The following TEAD3 variants were observed in gnomAD, a reference collection of about 807,000 sequenced individuals.
TEAD3 encodes the protein TEA domain transcription factor 3, also known as transcriptional enhancer factor TEF-5.
In TEAD3, 15 loss-of-function variants were observed where a neutral mutation model predicts 55.6. That is an observed-to-expected ratio of 0.27 (90% CI 0.18 to 0.42). The LOEUF is 0.42. Among genes scored for constraint, TEAD3 ranks in the 10% least tolerant of loss-of-function variants. The pLI, the probability that TEAD3 is intolerant of heterozygous loss-of-function variation, is 1.00. For missense variants in TEAD3, 407 were observed against 576.8 expected (o/e 0.71, Z 3.01); for synonymous variants, 210 against 232.2 (o/e 0.90, Z 0.87).
Position 35,486,521 on chromosome 6 carries a change from C to G in TEAD3, c.142G>C (p.Ala48Pro). 6.2e-7 allele frequency: 1 copy of G among 1,613,648 alleles called. No individual in the cohort carries two copies. Among genetic ancestry groups the G allele is most frequent in the Non-Finnish European group, 8.5e-7 (1 of 1,179,796 alleles). The change falls in exon 2 of 13, where the codon GCC becomes CCC. Residue 48 changes from alanine (A) to proline (P), a missense_variant. Physicochemically the swap from Ala to Pro is conservative, Grantham distance 27. Coordinates refer to ENST00000639578, the Ensembl canonical transcript of TEAD3. The surrounding 1 kb of genome is among the most constrained non-coding windows in gnomAD (Gnocchi z 7.3). ...CGCCGGCCGCAGGGCGGGTAGATGG[C>G]CAGGGCCTCCTGGAAGCTCTGCTCG...
At position 35,484,747 on chromosome 6, in the gene TEAD3, C is replaced by T. The variant is rs1768338783; in HGVS notation, c.203-123G>A. 1.2e-6 allele frequency: 1 copy of T among 836,274 alleles called. No individual in the cohort carries two copies. Among genetic ancestry groups the T allele is most frequent in the Non-Finnish European group, 1.9e-6 (1 of 513,508 alleles). The allele number at this position is 836,274 out of a possible 1,614,324, so 51.8% of individuals were successfully genotyped here. A position where few individuals can be genotyped will look rare whatever the true frequency, so the allele number is the denominator to read the frequency against. On this transcript the variant is annotated intron_variant, in intron 2 of 12. Coordinates refer to ENST00000639578, the Ensembl canonical transcript of TEAD3. This position sits in a 1 kb window ranked among gnomAD's most constrained non-coding sequence, Gnocchi z 5.8. ...CAAAACACTGCTCTTCTGTTCCTCA[C>T]TCTCTTCACCCCAAGCTGCACATGC...
At chr6:35,474,929 G>A (rs987067317) in exon 13 of TEAD3, 14 of 860,134 alleles carry the variant, frequency 1.6e-5, no homozygotes, top group Non-Finnish European at 2.5e-5. Context: ...CCTGGGTCCT[G>A]GGCCTGAGGC....
rs1297590306 is a variant in TEAD3 at position 35,475,317 on chromosome 6, A to G, written c.1194+19T>C. 1 of 1,610,644 alleles carries G rather than the reference A, an allele frequency of 6.2e-7. No individual in the cohort carries two copies. Among genetic ancestry groups the G allele is most frequent in the Admixed American group, 1.7e-5 (1 of 59,878 alleles). ...GCCCTGGCCTGTGGGACTCCCCACGACCCCTGCTGCCCCCATACCTGCAGG... is the reference window on the plus strand; with the variant it reads ...GCCCTGGCCTGTGGGACTCCCCACGGCCCCTGCTGCCCCCATACCTGCAGG... On this transcript the variant is annotated intron_variant, in intron 12 of 12. Coordinates refer to ENST00000639578, the Ensembl canonical transcript of TEAD3. This position sits in a 1 kb window ranked among gnomAD's most constrained non-coding sequence, Gnocchi z 5.4.
chr6:35,481,166 TCTC>T (rs1179792929), intron 3 of TEAD3, among the ~76,000 whole-genome samples: 4 of 151,922 alleles, frequency 2.6e-5, no homozygotes, highest in Admixed American at 6.6e-5. Context: ...TCTCTAGCCA[TCTC>T]CTCCTCGCAG....
chr6:35,481,700 G>A (rs1768270890), intron 3 of TEAD3, among the ~76,000 whole-genome samples: 1 of 152,186 alleles, frequency 6.6e-6, no homozygotes, highest in Non-Finnish European at 1.5e-5. Flanking sequence ...GAAAGGTTAA[G>A]CTGTCACACG....
chr6:35,475,722 G>C lies in TEAD3; in HGVS notation c.901-16C>G, dbSNP rs926263772. 4 of 1,567,734 alleles carry C rather than the reference G, an allele frequency of 2.6e-6. No individual in the cohort carries two copies. The African/African-American group carries it at 5.4e-5, about 21-fold the overall frequency. On this transcript the variant is annotated splice_polypyrimidine_tract_variant and intron_variant, in intron 10 of 12. Transcript: ENST00000639578. The surrounding 1 kb of genome is among the most constrained non-coding windows in gnomAD (Gnocchi z 5.4). Reference sequence around the variant, plus strand: ...TGAGGTCGGCCTGGGCATGGGGGTGGGGGGTGTTAGGTGCTGGCAGAGACC... The same window carrying C: ...TGAGGTCGGCCTGGGCATGGGGGTGCGGGGTGTTAGGTGCTGGCAGAGACC...
At chr6:35,477,361 A>G in exon 8 of TEAD3, 1 of 1,602,362 alleles carries the variant, frequency 6.2e-7, no homozygotes, top group Non-Finnish European at 8.5e-7. Context: ...TGGCTGTGCA[A>G]AGGGCTTGAT....
At position 35,484,768 on chromosome 6, in the gene TEAD3, C is replaced by T. The variant is rs1026032968; in HGVS notation, c.203-144G>A. On this transcript the variant is annotated intron_variant, in intron 2 of 12. Coordinates refer to ENST00000639578, the Ensembl canonical transcript of TEAD3. The surrounding 1 kb of genome is among the most constrained non-coding windows in gnomAD (Gnocchi z 5.8). ...CTCACTCTCTTCACCCCAAGCTGCA[C>T]ATGCAGGGCATGCAAAGGTGGCTGG... is the stretch of plus-strand genomic sequence containing the variant. 1.1e-5 allele frequency: 8 copies of T among 732,016 alleles called. No individual in the cohort carries two copies. The highest frequency in any genetic ancestry group is 8.1e-5 in the East Asian group (3 of 36,862). 45.3% of individuals were successfully genotyped at this position (732,016 alleles called of 1,614,324 possible).
chr6:35,475,800 GCACTCTGCC>G lies in TEAD3; in HGVS notation c.901-103_901-95del. On this transcript the variant is annotated intron_variant, in intron 10 of 12. Coordinates refer to ENST00000639578, the Ensembl canonical transcript of TEAD3. The surrounding 1 kb of genome is among the most constrained non-coding windows in gnomAD (Gnocchi z 5.4). Reference sequence around the variant, plus strand: ...AGTCCTGCCCAAGGATCCATCTCTGGCACTCTGCCCACAAGCCATGAGGATGCAGCAGGG... The same window carrying G: ...AGTCCTGCCCAAGGATCCATCTCTGGCACAAGCCATGAGGATGCAGCAGGG... 6.6e-7 allele frequency: 1 copy of G among 1,506,788 alleles called. No individual in the cohort carries two copies. Among genetic ancestry groups the G allele is most frequent in the East Asian group, 2.3e-5 (1 of 43,864 alleles). The allele number at this position is 1,506,788 out of a possible 1,614,324, so 93.3% of individuals were successfully genotyped here.
Position 35,483,288 on chromosome 6 carries a change from C to T in TEAD3, c.267+1272G>A, listed in dbSNP as rs1768299232. On this transcript the variant is annotated intron_variant, in intron 3 of 12. Coordinates refer to ENST00000639578, the Ensembl canonical transcript of TEAD3. The surrounding 1 kb of genome is among the most constrained non-coding windows in gnomAD (Gnocchi z 4.5). ...TCCTTTGAGAAAGAGGTGGAACAGGCCAGACTTGACATATGCACCATGGGG... is the reference window on the plus strand; with the variant it reads ...TCCTTTGAGAAAGAGGTGGAACAGGTCAGACTTGACATATGCACCATGGGG... Among the ~76,000 whole-genome samples, 1 of 152,116 alleles carries T rather than the reference C, an allele frequency of 6.6e-6. No individual in the cohort carries two copies. The highest frequency in any genetic ancestry group is 1.5e-5 in the Non-Finnish European group (1 of 68,012).
chr6:35,474,993 TGTG>T (rs1161457117), exon 13 of TEAD3: 2 of 1,406,226 alleles, frequency 1.4e-6, no homozygotes, highest in Non-Finnish European at 1.9e-6. Flanking sequence ...GCCAGGCAGG[TGTG>T]GAGAGGAGAT....
In TEAD3 at chr6:35,479,285, G is replaced by T; in HGVS notation, c.342+20C>A. ...AAGACCCTTTCCCCCACTCCCACTG[G>T]GGAGGGCTGTGCTACTTACCAGGTT... On this transcript the variant is annotated intron_variant, in intron 5 of 12. Transcript: ENST00000639578. 6.2e-7 allele frequency: 1 copy of T among 1,613,732 alleles called. No individual in the cohort carries two copies. The highest frequency in any genetic ancestry group is 8.5e-7 in the Non-Finnish European group (1 of 1,179,654).
Position 35,484,494 on chromosome 6 carries a change from G to C in TEAD3, c.267+66C>G. Reference sequence around the variant, plus strand: ...GAGGAGGTGGGCAGGGTAGGGGCAAGGGGTTGACCGGGGCAGCTGAGACAG... The same window carrying C: ...GAGGAGGTGGGCAGGGTAGGGGCAACGGGTTGACCGGGGCAGCTGAGACAG... On this transcript the variant is annotated intron_variant, in intron 3 of 12. Transcript: ENST00000639578. The surrounding 1 kb of genome is among the most constrained non-coding windows in gnomAD (Gnocchi z 5.8). The C allele has an allele frequency of 1.3e-6, 2 of 1,503,288 alleles. No homozygotes were observed. Among genetic ancestry groups the C allele is most frequent in the Non-Finnish European group, 1.8e-6 (2 of 1,100,968 alleles). The allele number at this position is 1,503,288 out of a possible 1,614,324, so 93.1% of individuals were successfully genotyped here.
rs2150913242 is a variant in TEAD3 at position 35,483,081 on chromosome 6, G to A, written c.267+1479C>T. 6.6e-6 allele frequency among the ~76,000 whole-genome samples: 1 copy of A among 152,338 alleles called. No homozygotes were observed. Among genetic ancestry groups the A allele is most frequent in the African/African-American group, 2.4e-5 (1 of 41,590 alleles). On this transcript the variant is annotated intron_variant, in intron 3 of 12. Transcript: ENST00000639578. The surrounding 1 kb of genome is among the most constrained non-coding windows in gnomAD (Gnocchi z 4.5). ...TTGAACCCAAGGGCTCCAGGGGACA[G>A]GGCTCTGGCGCACGCCTCCATGTGG...
rs1482764484 is a variant in TEAD3 at position 35,486,315 on chromosome 6, C to G, written c.202+146G>C. ...CCCGGCTTGTTTATGAGGAGGAGCG[C>G]GGAGGAGGATCCAGACACACAGGCT... On this transcript the variant is annotated intron_variant, in intron 2 of 12. Transcript: ENST00000639578. This position sits in a 1 kb window ranked among gnomAD's most constrained non-coding sequence, Gnocchi z 7.3. The G allele has an allele frequency of 5.1e-6, 5 of 980,272 alleles. No homozygotes were observed. Among genetic ancestry groups the G allele is most frequent in the Non-Finnish European group, 5.9e-6 (4 of 678,408 alleles). 60.7% of individuals were successfully genotyped at this position (980,272 alleles called of 1,614,324 possible). A position where few individuals can be genotyped will look rare whatever the true frequency, so the allele number is the denominator to read the frequency against.
intron 3 of TEAD3, among the ~76,000 whole-genome samples, chr6:35,482,647 C>T (rs1311173675): frequency 1.3e-5 from 2 of 152,140 alleles, no homozygotes; most frequent in Non-Finnish European, 2.9e-5. Flanking sequence ...TGTGGTGGCT[C>T]GTGCCCGTAA....
At chr6:35,494,025 A>AT (rs565870555) in intron 1 of TEAD3, among the ~76,000 whole-genome samples, 3 of 152,298 alleles carry the variant, frequency 2.0e-5, no homozygotes, top group South Asian at 4.1e-4. Context: ...ATGGACGTGT[A>AT]TATCTGTCAC....
chr6:35,476,536 T>A lies in TEAD3; in HGVS notation c.593-101A>T, dbSNP rs957526993. 4 of 1,501,560 alleles carry A rather than the reference T, an allele frequency of 2.7e-6. No homozygotes were observed. In the African/African-American group the frequency reaches 5.7e-5, roughly 22 times the overall value. The allele number at this position is 1,501,560 out of a possible 1,614,324, so 93.0% of individuals were successfully genotyped here. ...AAGGTGCCCCTTTTGGGAAGGAACATGAGTTGGATTTTGACTCCCCTACTA... is the reference window on the plus strand; with the variant it reads ...AAGGTGCCCCTTTTGGGAAGGAACAAGAGTTGGATTTTGACTCCCCTACTA... On this transcript the variant is annotated intron_variant, in intron 8 of 12. Coordinates refer to ENST00000639578, the Ensembl canonical transcript of TEAD3.
Position 35,475,517 on chromosome 6 carries a change from C to T in TEAD3, c.1042-29G>A, listed in dbSNP as rs201741108. The T allele has an allele frequency of 1.5e-5, 24 of 1,604,764 alleles. No individual in the cohort carries two copies. The highest frequency in any genetic ancestry group is 9.3e-5 in the African/African-American group (7 of 74,900). On this transcript the variant is annotated intron_variant, in intron 11 of 12. Transcript: ENST00000639578. The surrounding 1 kb of genome is among the most constrained non-coding windows in gnomAD (Gnocchi z 5.4). ...CAGAGAATATGGAGAAGGCGTCACT[C>T]GGCCTGCCTGCTCCCAGCCCCACCA...
Sources: gnomAD v4.1 joint callset for allele counts (sites outside exome capture counted in the v4.1 genomes callset) on GRCh38, gnomAD v4.1.1 for gene constraint, Gnocchi (gnomAD v3.1) non-coding constraint, MANE v1.5 for transcripts, NCBI Gene and HGNC (gene_info 2026-07-23, HGNC 2026-07-21) for gene names.